The following SLIT2 variants were observed in gnomAD, a reference collection of about 807,000 sequenced individuals.
The protein encoded by SLIT2 is slit homolog 2 protein.
A neutral mutation model predicts 185.7 loss-of-function variants in SLIT2; 41 were observed. That is an observed-to-expected ratio of 0.22 (90% CI 0.17 to 0.29). The LOEUF (loss-of-function observed/expected upper bound fraction) is 0.29. Ranked by LOEUF, SLIT2 falls within the 10% of genes least tolerant of loss-of-function variation. SLIT2 has a pLI of 1.00. For synonymous variants in SLIT2, 693 were observed against 680.2 expected (o/e 1.02, Z -0.29); for missense variants, 1,571 against 1,909.0 (o/e 0.82, Z 3.30).
intron 5 of SLIT2, 80 bp from the exon 6 acceptor site, chr4:20,480,636 G>A: frequency 2.0e-6 from 2 of 987,194 alleles, no homozygotes; most frequent in Non-Finnish European, 3.2e-6. Context: ...GGGTATCATA[G>A]ACCCTTCAGG....
chr4:20,281,855 A>G (rs986251019), intron 4 of SLIT2, among the ~76,000 whole-genome samples: 3 of 152,230 alleles, frequency 2.0e-5, no homozygotes, highest in African/African-American at 7.2e-5. Context: ...GCTTGTAGCT[A>G]CAATAATTAT....
chr4:20,283,120 G>GCGCTCACA (rs143964894), intron 4 of SLIT2, among the ~76,000 whole-genome samples: 1 of 149,850 alleles, frequency 6.7e-6, no homozygotes, highest in Non-Finnish European at 1.5e-5. Context: ...GTGCGCGCGC[G>GCGCTCACA]CACACACACA....
chr4:20,514,182 ATTTTGCTTACAAG>A (rs1405305914), intron 11 of SLIT2, among the ~76,000 whole-genome samples: 1 of 152,192 alleles, frequency 6.6e-6, no homozygotes, highest in Admixed American at 6.5e-5. Context: ...TTAAATAAAA[ATTTTGCTTACAAG>A]TTTTGCTTAC....
At chr4:20,605,211 C>CA (rs2148971862) in intron 33 of SLIT2, among the ~76,000 whole-genome samples, 1 of 152,254 alleles carries the variant, frequency 6.6e-6, no homozygotes, top group South Asian at 2.1e-4. Flanking sequence ...TACAGAAATA[C>CA]ATTATGTTTA....
intron 4 of SLIT2, among the ~76,000 whole-genome samples, chr4:20,396,991 C>T (rs192218753): frequency 4.8e-4 from 72 of 150,894 alleles, no homozygotes; most frequent in African/African-American, 1.3e-3. Context: ...GATTAATTTA[C>T]GCATATATTT....
At chr4:20,611,188 T>C (rs890795983) in intron 34 of SLIT2, among the ~76,000 whole-genome samples, 11 of 152,234 alleles carry the variant, frequency 7.2e-5, no homozygotes, top group Admixed American at 7.2e-4. Context: ...TTCATGAGTT[T>C]CACATCATTT....
At chr4:20,352,878 A>C (rs1365725883) in intron 4 of SLIT2, among the ~76,000 whole-genome samples, 1 of 152,222 alleles carries the variant, frequency 6.6e-6, no homozygotes, top group Non-Finnish European at 1.5e-5. Context: ...GCGTCACTGC[A>C]ATCCAGCCTG....
intron 4 of SLIT2, among the ~76,000 whole-genome samples, chr4:20,457,386 C>T (rs117368420): frequency 1.7e-4 from 26 of 151,916 alleles, no homozygotes; most frequent in Admixed American, 1.4e-3. Context: ...GTTCAAGCCC[C>T]GCCCCAGAGG....
chr4:20,464,324 A>G (rs1278331743), intron 4 of SLIT2, among the ~76,000 whole-genome samples: 1 of 152,142 alleles, frequency 6.6e-6, no homozygotes, highest in Non-Finnish European at 1.5e-5. Flanking sequence ...CCTCCCGACT[A>G]TCACCTTCCT....
At chr4:20,261,422 GT>G (rs1181117956) in intron 3 of SLIT2, among the ~76,000 whole-genome samples, 1 of 151,518 alleles carries the variant, frequency 6.6e-6, no homozygotes, top group Admixed American at 6.6e-5. Context: ...ATTAATTTGA[GT>G]TTTTTTTGGA....
intron 18 of SLIT2, among the ~76,000 whole-genome samples, chr4:20,536,494 G>A (rs1171653914): frequency 6.7e-6 from 1 of 148,630 alleles, no homozygotes; most frequent in African/African-American, 2.5e-5. Flanking sequence ...GGAGGCGGAG[G>A]TTGCAGTGAG....
At chr4:20,574,923 G>A (rs1288583413) in intron 29 of SLIT2, among the ~76,000 whole-genome samples, 1 of 152,090 alleles carries the variant, frequency 6.6e-6, no homozygotes, top group Non-Finnish European at 1.5e-5. Context: ...AGTGTGCAGA[G>A]TTAAGTTGAA....
At chr4:20,508,383 A>G (rs1719394931) in intron 9 of SLIT2, among the ~76,000 whole-genome samples, 1 of 152,082 alleles carries the variant, frequency 6.6e-6, no homozygotes, top group Non-Finnish European at 1.5e-5. Context: ...CAATACTAGT[A>G]TAAAAGTATC....
intron 4 of SLIT2, among the ~76,000 whole-genome samples, chr4:20,381,753 TA>T (rs1289374262): frequency 2.0e-5 from 3 of 151,978 alleles, no homozygotes; most frequent in Non-Finnish European, 4.4e-5. Context: ...TGCTAACATT[TA>T]AAGAAAGTAT....
intron 4 of SLIT2, among the ~76,000 whole-genome samples, chr4:20,396,880 A>G (rs1725935287): frequency 6.8e-6 from 1 of 146,950 alleles, no homozygotes; most frequent in Admixed American, 6.8e-5. Flanking sequence ...TACACACCTA[A>G]TATATAAATA....
chr4:20,560,381 AT>A (rs1724599435), intron 26 of SLIT2, among the ~76,000 whole-genome samples: 1 of 151,946 alleles, frequency 6.6e-6, no homozygotes, highest in Non-Finnish European at 1.5e-5. Context: ...AACTCTCATC[AT>A]TTTGATGCAT....
At chr4:20,319,980 A>G (rs910288502) in intron 4 of SLIT2, among the ~76,000 whole-genome samples, 1 of 152,080 alleles carries the variant, frequency 6.6e-6, no homozygotes, top group Non-Finnish European at 1.5e-5. Flanking sequence ...GAGTCCTTAG[A>G]GCTGTCCTGA....
intron 4 of SLIT2, among the ~76,000 whole-genome samples, chr4:20,402,156 G>A (rs1726413228): frequency 6.6e-6 from 1 of 151,682 alleles, no homozygotes. Flanking sequence ...AGTATGGGCA[G>A]CATGAATACG....
intron 4 of SLIT2, among the ~76,000 whole-genome samples, chr4:20,393,121 G>A (rs756888227): frequency 2.6e-5 from 4 of 151,920 alleles, no homozygotes; most frequent in African/African-American, 4.8e-5. Context: ...ACGGGGTGAC[G>A]GGAATTTTTC....
Sources: allele counts gnomAD v4.1 joint callset (sites outside exome capture counted in the v4.1 genomes callset), GRCh38; gene constraint gnomAD v4.1.1; transcripts MANE v1.5; gene names NCBI Gene and HGNC (gene_info 2026-07-23, HGNC 2026-07-21).